PAK1: variants seen among roughly 807,000 people sequenced by gnomAD.
PAK1 encodes the protein p21 (RAC1) activated kinase 1.
A neutral mutation model predicts 67.4 loss-of-function variants in PAK1; 29 were observed. That is an observed-to-expected ratio of 0.43 (90% CI 0.32 to 0.59). PAK1 has a LOEUF of 0.59. PAK1 is among the 20% of genes least tolerant of loss of function. The pLI, the probability that PAK1 is intolerant of heterozygous loss-of-function variation, is 0.07. For missense variants in PAK1, 337 were observed against 670.7 expected, an observed-to-expected ratio of 0.50 and a Z score of 5.50; for synonymous variants, 223 against 237.4, an observed-to-expected ratio of 0.94 and a Z score of 0.56.
upstream of PAK1, chr11:77,474,333 A>T (rs531557284): frequency 5.9e-5 from 9 of 152,052 alleles, no homozygotes; most frequent in African/African-American, 1.9e-4. Flanking sequence ...GGCCCGCATG[A>T]GGGCGAACGC....
intron 1 of PAK1, among the ~76,000 whole-genome samples, chr11:77,434,951 C>T (rs1592461448): frequency 6.6e-6 from 1 of 151,396 alleles, no homozygotes; most frequent in East Asian, 1.9e-4. Context: ...TTTGTAGAGA[C>T]AGGGTTTCCC....
intron 6 of PAK1, among the ~76,000 whole-genome samples, chr11:77,357,263 C>A (rs111984764): frequency 4.1e-4 from 63 of 152,156 alleles, no homozygotes; most frequent in African/African-American, 1.2e-3. Context: ...ACTGCTTGAC[C>A]ATGCTACCTT....
chr11:77,418,396 T>C (rs1325182614), intron 1 of PAK1, among the ~76,000 whole-genome samples: 2 of 152,356 alleles, frequency 1.3e-5, no homozygotes, highest in African/African-American at 4.8e-5. Flanking sequence ...AGTCTGTCCC[T>C]TGCAAAACAT....
intron 1 of PAK1, among the ~76,000 whole-genome samples, chr11:77,455,113 G>A (rs1213926677): frequency 6.6e-6 from 1 of 152,140 alleles, no homozygotes; most frequent in Non-Finnish European, 1.5e-5. Context: ...ACACAAGCAT[G>A]ATAAAAACGT....
intron 1 of PAK1, among the ~76,000 whole-genome samples, chr11:77,466,848 T>C (rs1012786620): frequency 6.6e-6 from 1 of 152,236 alleles, no homozygotes; most frequent in African/African-American, 2.4e-5. Context: ...CTGTGCTGTA[T>C]AGCCTCAGCA....
rs117954712 is a variant in PAK1, at chr11:77,401,188, G to A, written c.-21-8647C>T. 2.5e-4 allele frequency among the ~76,000 whole-genome samples: 38 copies of A among 152,288 alleles called. No homozygotes were observed. The East Asian group carries it at 6.0e-3, about 24-fold the overall frequency. ...CTGGGGAGTACTGTATGCCCTTGAC[G>A]CCTGGTTATGAGAATCTGATCTTTA... On this transcript the variant is annotated intron_variant, in intron 1 of 14. Transcript: ENST00000356341.
the PAK1 span, among the ~76,000 whole-genome samples, chr11:77,527,172 G>A: frequency 2.0e-5 from 3 of 151,766 alleles, no homozygotes; most frequent in South Asian, 2.1e-4. Context: ...GCATGATCTC[G>A]GCTCACTGCA....
At chr11:77,519,129 T>C in the PAK1 span, among the ~76,000 whole-genome samples, 1 of 152,210 alleles carries the variant, frequency 6.6e-6, no homozygotes, top group Non-Finnish European at 1.5e-5. Flanking sequence ...TTTTATACTT[T>C]CCTGATGTTT....
Position 77,322,175 on chromosome 11 carries a change from G to A in PAK1, c.*1099C>T. ...TGGGAGAACCAAAACCACAAAAATA[G>A]CAGGAGGTAGCAAACATCCCCAACA... On this transcript the variant is annotated 3_prime_UTR_variant, in exon 15 of 15. Coordinates refer to ENST00000356341, the MANE Select transcript of PAK1 (RefSeq NM_002576.5). The A allele has an allele frequency of 4.8e-6, 1 of 207,708 alleles. No individual in the cohort carries two copies. Among genetic ancestry groups the A allele is most frequent in the Non-Finnish European group, 9.9e-6 (1 of 101,294 alleles). 12.9% of individuals were successfully genotyped at this position (207,708 alleles called of 1,614,324 possible).
chr11:77,323,597 A>G (rs961535565), intron 14 of PAK1, among the ~76,000 whole-genome samples: 8 of 152,222 alleles, frequency 5.3e-5, no homozygotes, highest in Admixed American at 3.9e-4. Context: ...GTATATTCCC[A>G]AGAGAAATTA....
intron 9 of PAK1, among the ~76,000 whole-genome samples, chr11:77,347,873 G>A (rs1944671158): frequency 6.6e-6 from 1 of 152,078 alleles, no homozygotes; most frequent in Admixed American, 6.5e-5. Context: ...ATTTTATTAT[G>A]CACATTTTAT....
the PAK1 span, among the ~76,000 whole-genome samples, chr11:77,513,716 C>A: frequency 2.0e-5 from 3 of 147,156 alleles, 1 homozygote; most frequent in Non-Finnish European, 1.5e-5. Flanking sequence ...ACTGAAAGAC[C>A]GAGAAGAGAC....
chr11:77,390,741 A>G (rs961447928), intron 2 of PAK1, among the ~76,000 whole-genome samples: 6 of 150,464 alleles, frequency 4.0e-5, no homozygotes, highest in African/African-American at 1.5e-4. Context: ...AGCTCAAGCA[A>G]TCCTCCCACC....
intron 5 of PAK1, among the ~76,000 whole-genome samples, chr11:77,365,270 A>AAAAAAAAAAAAAAAAAAAAG (rs1947375922): frequency 8.2e-5 from 9 of 109,450 alleles, no homozygotes; most frequent in South Asian, 7.1e-4. Context: ...AAAAAAAAAG[A>AAAAAAAAAAAAAAAAAAAAG]AAAAAGAAAA....
the PAK1 span, among the ~76,000 whole-genome samples, chr11:77,516,704 A>G: frequency 1.3e-5 from 2 of 152,054 alleles, no homozygotes; most frequent in African/African-American, 2.4e-5. Context: ...AAACTAACCA[A>G]TTTAAACTAA....
chr11:77,419,758 T>C (rs1231952581), intron 1 of PAK1, among the ~76,000 whole-genome samples: 1 of 152,238 alleles, frequency 6.6e-6, no homozygotes, highest in Non-Finnish European at 1.5e-5. Flanking sequence ...ACAATGATGA[T>C]GTTGGATTTA....
chr11:77,384,120 A>G (rs914447839), intron 2 of PAK1, among the ~76,000 whole-genome samples: 4 of 152,202 alleles, frequency 2.6e-5, no homozygotes, highest in Non-Finnish European at 5.9e-5. Flanking sequence ...CGAGATGGGA[A>G]AGGGCATTTC....
chr11:77,429,071 AAAAAAAAAAAAAAAAAAAAAAAAC>A (rs1395729262), intron 1 of PAK1, among the ~76,000 whole-genome samples: 1 of 81,380 alleles, frequency 1.2e-5, no homozygotes, highest in African/African-American at 4.1e-5. Flanking sequence ...AAAAAAAAAA[AAAAAAAAAAAAAAAAAAAAAAAAC>A]ACACACACAC....
chr11:77,444,987 T>A (rs867254163), intron 1 of PAK1, among the ~76,000 whole-genome samples: 3 of 147,706 alleles, frequency 2.0e-5, no homozygotes, highest in South Asian at 4.4e-4. Flanking sequence ...AAAAAAAAAA[T>A]GTTAAAATCC....
Sources: allele counts gnomAD v4.1 joint callset (sites outside exome capture counted in the v4.1 genomes callset), GRCh38; gene constraint gnomAD v4.1.1; transcripts MANE v1.5; gene names NCBI Gene and HGNC (gene_info 2026-07-23, HGNC 2026-07-21).